Variants in CAMKV observed in about 807,000 individuals in gnomAD.
The protein encoded by CAMKV is CaM kinase like vesicle associated.
CAMKV carries 5 observed loss-of-function variants against 50.2 expected under a neutral mutation model. That is an observed-to-expected ratio of 0.10 (90% CI 0.05 to 0.21). CAMKV has a LOEUF of 0.21. CAMKV is among the 10% of genes least tolerant of loss of function. The pLI, the probability that CAMKV is intolerant of heterozygous loss-of-function variation, is 1.00. For missense variants in CAMKV, 361 were observed against 650.5 expected, an observed-to-expected ratio of 0.55 and a Z score of 4.84; for synonymous variants, 229 against 250.1, an observed-to-expected ratio of 0.92 and a Z score of 0.80.
rs986723045 is a variant in CAMKV at position 49,858,813 on chromosome 3, T to C, written c.*505A>G. The C allele has an allele frequency of 1.2e-5, 2 of 168,432 alleles. No individual in the cohort carries two copies. The highest frequency in any genetic ancestry group is 4.8e-5 in the African/African-American group (2 of 42,030). 10.4% of individuals were successfully genotyped at this position (168,432 alleles called of 1,614,324 possible). A position where few individuals can be genotyped will look rare whatever the true frequency, so the allele number is the denominator to read the frequency against. On this transcript the variant is annotated 3_prime_UTR_variant, in exon 11 of 11. Transcript: ENST00000477224. ...TCTGCATCCTCTATACCAGCCTGTA[T>C]CTGCTCCTAGAGCAGCCCACACACC...
Position 49,859,282 on chromosome 3 carries a change from T to A in CAMKV, c.*36A>T. The A allele has an allele frequency of 4.2e-5, 61 of 1,437,668 alleles. No individual in the cohort carries two copies. Among genetic ancestry groups the A allele is most frequent in the Non-Finnish European group, 5.4e-5 (58 of 1,070,070 alleles). 89.1% of individuals were successfully genotyped at this position (1,437,668 alleles called of 1,614,324 possible). A position where few individuals can be genotyped will look rare whatever the true frequency, so the allele number is the denominator to read the frequency against. On this transcript the variant is annotated 3_prime_UTR_variant, in exon 11 of 11. Transcript: ENST00000477224. This position sits in a 1 kb window ranked among gnomAD's most constrained non-coding sequence, Gnocchi z 5.5. ...CCCCTCATCCACTCTCCCACCCTCC[T>A]GCCCATCCCCTGCCCCCCCTCACCA... is the stretch of plus-strand genomic sequence containing the variant.
In CAMKV at chr3:49,861,377, G is replaced by A. The variant is rs2082019878; in HGVS notation, c.441+62C>T. The A allele has an allele frequency of 1.9e-6, 3 of 1,612,896 alleles. No individual in the cohort carries two copies. Among genetic ancestry groups the A allele is most frequent in the East Asian group, 4.5e-5 (2 of 44,886 alleles). On this transcript the variant is annotated intron_variant, in intron 5 of 10. Coordinates refer to ENST00000477224, the MANE Select transcript of CAMKV (RefSeq NM_024046.5). This position sits in a 1 kb window ranked among gnomAD's most constrained non-coding sequence, Gnocchi z 7.7. ...GGAGGCTAGACCAAGGCCCTGAGGTGCTGCCCACCCCAGCACCAGCCCAGC... is the reference window on the plus strand; with the variant it reads ...GGAGGCTAGACCAAGGCCCTGAGGTACTGCCCACCCCAGCACCAGCCCAGC...
Position 49,858,831 on chromosome 3 carries a change from C to T in CAMKV, c.*487G>A. 1 of 170,686 alleles carries T rather than the reference C, an allele frequency of 5.9e-6. No homozygotes were observed. The highest frequency in any genetic ancestry group is 1.3e-5 in the Non-Finnish European group (1 of 79,724). The allele number at this position is 170,686 out of a possible 1,614,324, so 10.6% of individuals were successfully genotyped here. A position where few individuals can be genotyped will look rare whatever the true frequency, so the allele number is the denominator to read the frequency against. ...GCCTGTATCTGCTCCTAGAGCAGCC[C>T]ACACACCACAGGCACACACCTTCAT... On this transcript the variant is annotated 3_prime_UTR_variant, in exon 11 of 11. Coordinates refer to ENST00000477224, the MANE Select transcript of CAMKV (RefSeq NM_024046.5).
rs2108336135 is a variant in CAMKV at position 49,869,382 on chromosome 3, A to C, written c.-15+376T>G. ...GTTGTCATGGAAATTAGTGACTGCT[A>C]AGCGGGAGGGAAGGGGCCCGGGGAC... is the stretch of plus-strand genomic sequence containing the variant. On this transcript the variant is annotated intron_variant, in intron 1 of 10. Coordinates refer to ENST00000477224, the MANE Select transcript of CAMKV (RefSeq NM_024046.5). The surrounding 1 kb of genome is among the most constrained non-coding windows in gnomAD (Gnocchi z 5.2). 6.6e-6 allele frequency among the ~76,000 whole-genome samples: 1 copy of C among 152,230 alleles called. No homozygotes were observed. The highest frequency in any genetic ancestry group is 1.9e-4 in the East Asian group (1 of 5,152).
At chr3:49,865,955 G>T (rs1279415163) in intron 1 of CAMKV, among the ~76,000 whole-genome samples, 3 of 152,184 alleles carry the variant, frequency 2.0e-5, no homozygotes, top group Non-Finnish European at 2.9e-5. Context: ...CTGGTCATGG[G>T]GGTCTGTCCC....
chr3:49,860,036 T>G lies in CAMKV; in HGVS notation c.942+135A>C. 9.5e-7 allele frequency: 1 copy of G among 1,057,910 alleles called. No individual in the cohort carries two copies. The highest frequency in any genetic ancestry group is 1.4e-6 in the Non-Finnish European group (1 of 714,052). 65.5% of individuals were successfully genotyped at this position (1,057,910 alleles called of 1,614,324 possible). On this transcript the variant is annotated intron_variant, in intron 10 of 10. Transcript: ENST00000477224. The surrounding 1 kb of genome is among the most constrained non-coding windows in gnomAD (Gnocchi z 6.1). ...TGCTCAGCACTCCTACTTAAGGTAA[T>G]CACAGTGGCTACACCCACACCTGAT...
Position 49,861,523 on chromosome 3 carries a change from C to T in CAMKV, c.357G>A (p.Glu119=). Residue 119 remains glutamate (E), a synonymous_variant, in exon 5 of 11, where the codon GAG becomes GAA. Coordinates refer to ENST00000477224, the MANE Select transcript of CAMKV (RefSeq NM_024046.5). This position sits in a 1 kb window ranked among gnomAD's most constrained non-coding sequence, Gnocchi z 7.7. ...GCCGTACCACGTTGCTTGTGTCTCGCTCCGAGTAGTAGCCCTGGTCCAGGA... is the reference window on the plus strand; with the variant it reads ...GCCGTACCACGTTGCTTGTGTCTCGTTCCGAGTAGTAGCCCTGGTCCAGGA... ...DWILDQGYYS[E]RDTSNVVRQV... 1.2e-6 allele frequency: 2 copies of T among 1,614,198 alleles called. No homozygotes were observed. The highest frequency in any genetic ancestry group is 1.7e-6 in the Non-Finnish European group (2 of 1,180,040).
Position 49,859,294 on chromosome 3 carries a change from GC to G in CAMKV, c.*23del, listed in dbSNP as rs111272205. Reference sequence around the variant, plus strand: ...TCTCCCACCCTCCTGCCCATCCCCTGCCCCCCCTCACCAGGCTGCCTACTCA... The same window carrying G: ...TCTCCCACCCTCCTGCCCATCCCCTGCCCCCCTCACCAGGCTGCCTACTCA... On this transcript the variant is annotated 3_prime_UTR_variant, in exon 11 of 11. Coordinates refer to ENST00000477224, the MANE Select transcript of CAMKV (RefSeq NM_024046.5). This position sits in a 1 kb window ranked among gnomAD's most constrained non-coding sequence, Gnocchi z 5.5. 3.1e-5 allele frequency: 46 copies of G among 1,496,094 alleles called. No homozygotes were observed. Among genetic ancestry groups the G allele is most frequent in the Non-Finnish European group, 3.7e-5 (42 of 1,120,180 alleles). 92.7% of individuals were successfully genotyped at this position (1,496,094 alleles called of 1,614,324 possible). A position where few individuals can be genotyped will look rare whatever the true frequency, so the allele number is the denominator to read the frequency against.
At position 49,860,929 on chromosome 3, in the gene CAMKV, A is replaced by C. The variant is rs780551684; in HGVS notation, c.638+14T>G. The C allele has an allele frequency of 6.8e-6, 11 of 1,613,874 alleles. No individual in the cohort carries two copies. In the African/African-American group the frequency reaches 1.5e-4, roughly 22 times the overall value. ...CATCTGACTGCAAGCCTGCTTGTCC[A>C]TCTGTCCACTCACAGGATGTACATG... On this transcript the variant is annotated intron_variant, in intron 7 of 10. Transcript: ENST00000477224. The surrounding 1 kb of genome is among the most constrained non-coding windows in gnomAD (Gnocchi z 6.1).
In CAMKV at chr3:49,862,980, T is replaced by C. The variant is rs2082035514; in HGVS notation, c.-14-578A>G. 1.3e-5 allele frequency among the ~76,000 whole-genome samples: 2 copies of C among 152,238 alleles called. No individual in the cohort carries two copies. Among genetic ancestry groups the C allele is most frequent in the African/African-American group, 4.8e-5 (2 of 41,458 alleles). ...TCATACAATGCTCATAGTAGCCATA[T>C]ACATAATCGCCAAAAATTGAAAACA... On this transcript the variant is annotated intron_variant, in intron 1 of 10. Coordinates refer to ENST00000477224, the MANE Select transcript of CAMKV (RefSeq NM_024046.5). This position sits in a 1 kb window ranked among gnomAD's most constrained non-coding sequence, Gnocchi z 5.2.
intron 1 of CAMKV, among the ~76,000 whole-genome samples, chr3:49,866,828 A>G (rs566615091): frequency 4.6e-5 from 7 of 152,380 alleles, no homozygotes; most frequent in African/African-American, 1.7e-4. Flanking sequence ...ACAAAGGCCA[A>G]GAGGTCCGGA....
chr3:49,869,172 T>C lies in CAMKV; in HGVS notation c.-15+586A>G, dbSNP rs901449101. 2.0e-5 allele frequency among the ~76,000 whole-genome samples: 3 copies of C among 151,962 alleles called. No homozygotes were observed. The highest frequency in any genetic ancestry group is 6.5e-5 in the Admixed American group (1 of 15,270). On this transcript the variant is annotated intron_variant, in intron 1 of 10. Coordinates refer to ENST00000477224, the MANE Select transcript of CAMKV (RefSeq NM_024046.5). The surrounding 1 kb of genome is among the most constrained non-coding windows in gnomAD (Gnocchi z 5.2). ...CCCCGCACCTCCCAGCAGGAACATG[T>C]GCGCCCCCACCCCCACCGTGCACGT...
At position 49,862,187 on chromosome 3, in the gene CAMKV, C is replaced by T. The variant is rs1205382786; in HGVS notation, c.96-11G>A. Reference sequence around the variant, plus strand: ...TCACAAAACTCCTCACTGCAGCCGACAGGCACCCACTCAGGCCTGGCCTTA... The same window carrying T: ...TCACAAAACTCCTCACTGCAGCCGATAGGCACCCACTCAGGCCTGGCCTTA... On this transcript the variant is annotated splice_polypyrimidine_tract_variant and intron_variant, in intron 2 of 10. Transcript: ENST00000477224. The surrounding 1 kb of genome is among the most constrained non-coding windows in gnomAD (Gnocchi z 5.2). 6.2e-7 allele frequency: 1 copy of T among 1,614,198 alleles called. No homozygotes were observed. Among genetic ancestry groups the T allele is most frequent in the South Asian group, 1.1e-5 (1 of 91,084 alleles).
chr3:49,861,393 C>G lies in CAMKV; in HGVS notation c.441+46G>C. ...CCCTGAGGTGCTGCCCACCCCAGCACCAGCCCAGCTGCCAACTGGCCCTTT... is the reference window on the plus strand; with the variant it reads ...CCCTGAGGTGCTGCCCACCCCAGCAGCAGCCCAGCTGCCAACTGGCCCTTT... On this transcript the variant is annotated intron_variant, in intron 5 of 10. Transcript: ENST00000477224. The surrounding 1 kb of genome is among the most constrained non-coding windows in gnomAD (Gnocchi z 7.7). The G allele has an allele frequency of 3.7e-6, 6 of 1,613,478 alleles. No individual in the cohort carries two copies. The highest frequency in any genetic ancestry group is 5.1e-6 in the Non-Finnish European group (6 of 1,179,628).
Position 49,862,418 on chromosome 3 carries a change from G to C in CAMKV, c.-14-16C>G. 1 of 1,601,912 alleles carries C rather than the reference G, an allele frequency of 6.2e-7. No homozygotes were observed. Among genetic ancestry groups the C allele is most frequent in the Non-Finnish European group, 8.6e-7 (1 of 1,168,696 alleles). On this transcript the variant is annotated splice_polypyrimidine_tract_variant and intron_variant, in intron 1 of 10. Transcript: ENST00000477224. This position sits in a 1 kb window ranked among gnomAD's most constrained non-coding sequence, Gnocchi z 5.2. ...AGGCTCTAACCTGCGGGCACAATGG[G>C]GTCTGGCTTAGCTGTACTACTCTCC... is the stretch of plus-strand genomic sequence containing the variant.
At position 49,862,810 on chromosome 3, in the gene CAMKV, G is replaced by A. The variant is rs1278141299; in HGVS notation, c.-14-408C>T. Among the ~76,000 whole-genome samples, 1 of 152,206 alleles carries A rather than the reference G, an allele frequency of 6.6e-6. No homozygotes were observed. Among genetic ancestry groups the A allele is most frequent in the Non-Finnish European group, 1.5e-5 (1 of 68,042 alleles). ...AAGTGTTAGTGGATATATGAAGAAC[G>A]TGAGCACTGCTAGGAGAGGGCAAAC... On this transcript the variant is annotated intron_variant, in intron 1 of 10. Transcript: ENST00000477224. This position sits in a 1 kb window ranked among gnomAD's most constrained non-coding sequence, Gnocchi z 5.2.
Position 49,859,301 on chromosome 3 carries a change from C to G in CAMKV, c.*17G>C, listed in dbSNP as rs765553809. ...CCCTCCTGCCCATCCCCTGCCCCCCCTCACCAGGCTGCCTACTCAGCTGGC... is the reference window on the plus strand; with the variant it reads ...CCCTCCTGCCCATCCCCTGCCCCCCGTCACCAGGCTGCCTACTCAGCTGGC... On this transcript the variant is annotated 3_prime_UTR_variant, in exon 11 of 11. Coordinates refer to ENST00000477224, the MANE Select transcript of CAMKV (RefSeq NM_024046.5). This position sits in a 1 kb window ranked among gnomAD's most constrained non-coding sequence, Gnocchi z 5.5. 7.9e-6 allele frequency: 12 copies of G among 1,516,262 alleles called. No homozygotes were observed. Among genetic ancestry groups the G allele is most frequent in the Admixed American group, 2.2e-5 (1 of 45,832 alleles). 93.9% of individuals were successfully genotyped at this position (1,516,262 alleles called of 1,614,324 possible).
rs1201993872 is a variant in CAMKV at position 49,869,840 on chromosome 3, C to G, written c.-97G>C. 2 of 152,218 alleles carry G rather than the reference C, an allele frequency of 1.3e-5. No homozygotes were observed. Among genetic ancestry groups the G allele is most frequent in the East Asian group, 3.9e-4 (2 of 5,192 alleles). 9.4% of individuals were successfully genotyped at this position (152,218 alleles called of 1,614,324 possible). On this transcript the variant is annotated 5_prime_UTR_variant, in exon 1 of 11. Transcript: ENST00000477224. This position sits in a 1 kb window ranked among gnomAD's most constrained non-coding sequence, Gnocchi z 5.2. ...GGCTCCGGGGACGGCGGGCAGAATC[C>G]GCTCCGAGCACGCGGGGCAGACGCG...
rs549918364 is a variant in CAMKV at position 49,859,950 on chromosome 3, AC to A, written c.943-70del. 3.5e-6 allele frequency: 5 copies of A among 1,424,012 alleles called. No individual in the cohort carries two copies. The highest frequency in any genetic ancestry group is 4.7e-6 in the Non-Finnish European group (5 of 1,068,004). 88.2% of individuals were successfully genotyped at this position (1,424,012 alleles called of 1,614,324 possible). A position where few individuals can be genotyped will look rare whatever the true frequency, so the allele number is the denominator to read the frequency against. On this transcript the variant is annotated intron_variant, in intron 10 of 10. Coordinates refer to ENST00000477224, the MANE Select transcript of CAMKV (RefSeq NM_024046.5). This position sits in a 1 kb window ranked among gnomAD's most constrained non-coding sequence, Gnocchi z 5.5. ...GGATCCATTGCTTGGCAGTGACCAA[AC>A]CAAACTCCTTCCATAGTACCCCCGG...
Sources: allele counts gnomAD v4.1 joint callset (sites outside exome capture counted in the v4.1 genomes callset), GRCh38; gene constraint gnomAD v4.1.1; non-coding constraint Gnocchi (gnomAD v3.1); transcripts MANE v1.5; gene names NCBI Gene and HGNC (gene_info 2026-07-23, HGNC 2026-07-21).